TBL1X: variants seen among roughly 807,000 people sequenced by gnomAD.
TBL1X encodes the protein F-box-like/WD repeat-containing protein TBL1X.
Under a neutral mutation model 50.7 loss-of-function variants are expected in TBL1X, and 10 were observed. The observed-to-expected ratio is 0.20, with a 90% confidence interval of 0.12 to 0.33. The LOEUF (loss-of-function observed/expected upper bound fraction) is 0.33. Ranked by LOEUF, TBL1X falls within the 10% of genes least tolerant of loss-of-function variation. The probability of loss-of-function intolerance (pLI) is 1.00; values close to 1 mark genes in which losing one functional copy is unlikely to be tolerated. For synonymous variants in TBL1X, 190 were observed against 214.7 expected (o/e 0.88, Z 1.01); for missense variants, 340 against 504.4 (o/e 0.67, Z 3.12).
intron 5 of TBL1X, among the ~76,000 whole-genome samples, chrX:9,659,787 G>A (rs139090754): frequency 3.7e-4 from 41 of 112,004 alleles, no homozygotes; most frequent in Middle Eastern, 4.7e-3. Context: ...GTCGCACAAG[G>A]CATACTGGAA....
At chrX:9,492,893 GT>G (rs63191460) in intron 1 of TBL1X, among the ~76,000 whole-genome samples, 2,644 of 18,935 alleles carry the variant, frequency 0.14, 200 homozygotes, top group Non-Finnish European at 0.19. Flanking sequence ...GTGTGTGTGT[GT>G]GTGTAGGGGA....
chrX:9,503,645 C>A (rs775553344), intron 2 of TBL1X, among the ~76,000 whole-genome samples: 1 of 113,395 alleles, frequency 8.8e-6, no homozygotes, highest in African/African-American at 3.2e-5. Flanking sequence ...GCCCAACACA[C>A]TGGCTGTGGC....
chrX:9,520,335 G>A (rs1011204345), intron 2 of TBL1X, among the ~76,000 whole-genome samples: 4 of 111,617 alleles, frequency 3.6e-5, no homozygotes, highest in Non-Finnish European at 7.5e-5. Context: ...CCGAGGGACT[G>A]TGGTCTAGTT....
chrX:9,507,734 C>T (rs1003394347), intron 2 of TBL1X, among the ~76,000 whole-genome samples: 1 of 111,590 alleles, frequency 9.0e-6, no homozygotes, highest in Non-Finnish European at 1.9e-5. Context: ...GTATGGGTAC[C>T]AAAACAGACA....
In TBL1X at chrX:9,539,436, G is replaced by A. The variant is rs927326781; in HGVS notation, c.-131+37587G>A. On this transcript the variant is annotated intron_variant, in intron 2 of 17. Transcript: ENST00000645353. The stretch of plus-strand genomic sequence containing the variant: ...ACATAGGCAAAATCTTGGTGCAGGG[G>A]CACTTGGTAAAGGTTAGTTTCTGTT... Among the ~76,000 whole-genome samples the A allele has an allele frequency of 1.2e-4, 13 of 111,347 alleles. No homozygotes were observed. In the South Asian group the frequency reaches 2.3e-3, roughly 19 times the overall value.
chrX:9,603,668 TTGG>T (rs1875581689), intron 2 of TBL1X, among the ~76,000 whole-genome samples: 1 of 111,584 alleles, frequency 9.0e-6, no homozygotes, highest in Admixed American at 9.5e-5. Context: ...GCTTACCATG[TTGG>T]TGGTGGTTTG....
intron 2 of TBL1X, among the ~76,000 whole-genome samples, chrX:9,565,853 CA>C (rs2082348810): frequency 9.0e-6 from 1 of 110,627 alleles, no homozygotes; most frequent in Non-Finnish European, 1.9e-5. Flanking sequence ...AAAACAACAA[CA>C]AAAAAACAAA....
At chrX:9,552,842 G>A (rs762004041) in intron 2 of TBL1X, among the ~76,000 whole-genome samples, 2 of 112,018 alleles carry the variant, frequency 1.8e-5, no homozygotes, top group South Asian at 7.5e-4. Context: ...CTTTGTGGAC[G>A]TGGTTTAAGG....
chrX:9,525,862 AAAC>A (rs1251072795), intron 2 of TBL1X, among the ~76,000 whole-genome samples: 4 of 111,653 alleles, frequency 3.6e-5, no homozygotes, highest in African/African-American at 1.3e-4. Context: ...TTTAAAAAAA[AAAC>A]CCCTAATACT....
intron 5 of TBL1X, among the ~76,000 whole-genome samples, chrX:9,665,747 A>G (rs774586613): frequency 6.7e-5 from 7 of 104,730 alleles, no homozygotes; most frequent in Non-Finnish European, 1.4e-4. Flanking sequence ...AGAAAAACCT[A>G]CGTTTTCCTC....
At chrX:9,557,019 C>CTGA (rs2082304257) in intron 2 of TBL1X, among the ~76,000 whole-genome samples, 2 of 111,614 alleles carry the variant, frequency 1.8e-5, no homozygotes, top group African/African-American at 6.5e-5. Flanking sequence ...AAAAGATGAA[C>CTGA]TGATTAGCAG....
intron 2 of TBL1X, among the ~76,000 whole-genome samples, chrX:9,581,796 A>G (rs922506775): frequency 1.8e-5 from 2 of 112,305 alleles, no homozygotes; most frequent in Admixed American, 9.4e-5. Context: ...ACGCCGTTGG[A>G]AACATGAGGC....
chrX:9,642,250 A>G (rs113635991), intron 3 of TBL1X, among the ~76,000 whole-genome samples: 26 of 111,777 alleles, frequency 2.3e-4, no homozygotes, highest in African/African-American at 8.5e-4. Flanking sequence ...TCATTTATAC[A>G]TGACTGAGTG....
chrX:9,597,351 T>C (rs980127330), intron 2 of TBL1X, among the ~76,000 whole-genome samples: 29 of 111,725 alleles, frequency 2.6e-4, no homozygotes, highest in Non-Finnish European at 4.0e-4. Flanking sequence ...TTCACTGCTT[T>C]ATTTTAGAGA....
At chrX:9,701,062 C>A (rs1436282887) in intron 12 of TBL1X, among the ~76,000 whole-genome samples, 7 of 110,445 alleles carry the variant, frequency 6.3e-5, no homozygotes, top group Non-Finnish European at 9.5e-5. Flanking sequence ...CGGAACACTT[C>A]TGGGTCTCAG....
chrX:9,661,339 A>G (rs191818964), intron 5 of TBL1X, among the ~76,000 whole-genome samples: 2 of 111,916 alleles, frequency 1.8e-5, no homozygotes, highest in Non-Finnish European at 3.8e-5. Context: ...CTTTGAGCCC[A>G]GGAGTTCAAG....
chrX:9,534,160 A>G lies in TBL1X; in HGVS notation c.-131+32311A>G, dbSNP rs549734597. 2.4e-4 allele frequency among the ~76,000 whole-genome samples: 27 copies of G among 111,506 alleles called. No homozygotes were observed. In the Admixed American group the frequency reaches 2.6e-3, roughly 11 times the overall value. ...CTAGCCAGAGAGATGTGGAGGTGAA[A>G]AATGGTGGACAGCCATTTTTCTCCC... On this transcript the variant is annotated intron_variant, in intron 2 of 17. Coordinates refer to ENST00000645353, the MANE Select transcript of TBL1X (RefSeq NM_005647.4).
intron 6 of TBL1X, among the ~76,000 whole-genome samples, chrX:9,686,056 C>T (rs1188711181): frequency 1.8e-5 from 2 of 111,425 alleles, no homozygotes; most frequent in East Asian, 2.8e-4. Flanking sequence ...TGCCATTTTT[C>T]GCAAAGCTGT....
At chrX:9,654,115 T>G in intron 4 of TBL1X, 100 bp from the exon 5 acceptor site, 1 of 622,701 alleles carries the variant, frequency 1.6e-6, no homozygotes, top group Non-Finnish European at 2.4e-6. Flanking sequence ...ATTACCTTCA[T>G]GTGTATAATA....
Sources: allele counts gnomAD v4.1 joint callset (sites outside exome capture counted in the v4.1 genomes callset), GRCh38; gene constraint gnomAD v4.1.1; transcripts MANE v1.5; gene names NCBI Gene and HGNC (gene_info 2026-07-23, HGNC 2026-07-21).